Variants in GNA12 observed in about 807,000 individuals in gnomAD.
GNA12 encodes guanine nucleotide-binding protein subunit alpha-12.
Under a neutral mutation model 26.0 loss-of-function variants are expected in GNA12, and 9 were observed. The ratio of observed to expected loss-of-function variants is 0.35; its 90% CI spans 0.21 to 0.60. The LOEUF (loss-of-function observed/expected upper bound fraction) is 0.60, where lower values mean the gene tolerates loss of function less well. Ranked by LOEUF, GNA12 falls within the 20% of genes least tolerant of loss-of-function variation. The probability of loss-of-function intolerance (pLI) is 0.78; values close to 1 mark genes in which losing one functional copy is unlikely to be tolerated. For synonymous variants in GNA12, 264 were observed against 219.6 expected, an observed-to-expected ratio of 1.20 and a Z score of -1.79; for missense variants, 405 against 525.8, an observed-to-expected ratio of 0.77 and a Z score of 2.25.
intron 1 of GNA12, among the ~76,000 whole-genome samples, chr7:2,796,916 T>A (rs1792690844): frequency 6.6e-6 from 1 of 152,154 alleles, no homozygotes; most frequent in Non-Finnish European, 1.5e-5. Context: ...AAGGCAGTGT[T>A]TATGAGAACT....
At position 2,844,000 on chromosome 7, in the gene GNA12, G is replaced by C. The variant is rs748221542; in HGVS notation, c.162C>G (p.Val54=). The C allele has an allele frequency of 3.9e-6, 6 of 1,546,352 alleles. No homozygotes were observed. Among genetic ancestry groups the C allele is most frequent in the South Asian group, 3.6e-5 (3 of 84,074 alleles). ...GCAGCAGGATCTTCACCAGGCGCCG[G>C]ACCGCGCGCCGCTCGCGGGCCAGCA... ...DALLARERRA[V]RRLVKILLLG... is the part of the protein sequence containing the mutation. Residue 54 remains valine (V), a synonymous_variant, in exon 1 of 4, where the codon GTC becomes GTG. Transcript: ENST00000275364.
At chr7:2,793,419 T>C (rs546615829) in intron 2 of GNA12, among the ~76,000 whole-genome samples, 2 of 152,330 alleles carry the variant, frequency 1.3e-5, no homozygotes, top group South Asian at 2.1e-4. Flanking sequence ...TTCATACCGA[T>C]GTCAACTTCT....
chr7:2,832,181 T>C (rs1778692816), intron 1 of GNA12, among the ~76,000 whole-genome samples: 1 of 152,210 alleles, frequency 6.6e-6, no homozygotes, highest in South Asian at 2.1e-4. Context: ...CCTCTTCCAC[T>C]AGGCAAGGCC....
chr7:2,843,783 A>C, intron 1 of GNA12, 70 bp downstream of exon 1: 1 of 752,528 alleles, frequency 1.3e-6, no homozygotes, highest in Non-Finnish European at 1.9e-6. Flanking sequence ...CGGACCACGG[A>C]GGGGCCCGGG....
In GNA12 at chr7:2,730,154, G is replaced by A. The variant is rs1789815140; in HGVS notation, c.*1027C>T. 1.3e-5 allele frequency: 2 copies of A among 152,366 alleles called. No homozygotes were observed. Among genetic ancestry groups the A allele is most frequent in the South Asian group, 4.1e-4 (2 of 4,828 alleles). The allele number at this position is 152,366 out of a possible 1,614,324, so 9.4% of individuals were successfully genotyped here. On this transcript the variant is annotated 3_prime_UTR_variant, in exon 4 of 4. Coordinates refer to ENST00000275364, the MANE Select transcript of GNA12 (RefSeq NM_007353.3). ...GCTGTTAGCTCGCCAAGCAGCTGGGGCATTAACAAAAGCTCTGCTAGTGGC... is the reference window on the plus strand; with the variant it reads ...GCTGTTAGCTCGCCAAGCAGCTGGGACATTAACAAAAGCTCTGCTAGTGGC...
chr7:2,792,091 A>T (rs1792535098), intron 2 of GNA12, among the ~76,000 whole-genome samples: 1 of 152,124 alleles, frequency 6.6e-6, no homozygotes, highest in Admixed American at 6.5e-5. Context: ...ACCTGTGGCC[A>T]CCTTACCCTA....
intron 2 of GNA12, among the ~76,000 whole-genome samples, chr7:2,769,521 G>C (rs1257496355): frequency 1.3e-5 from 2 of 152,006 alleles, no homozygotes; most frequent in African/African-American, 4.8e-5. Flanking sequence ...ACGAGGTCAG[G>C]AGATTGAGAC....
At chr7:2,744,215 C>T (rs528008334) in intron 2 of GNA12, among the ~76,000 whole-genome samples, 4 of 152,368 alleles carry the variant, frequency 2.6e-5, no homozygotes, top group African/African-American at 9.6e-5. Flanking sequence ...AACGGGCAGA[C>T]TGCCTCCTCA....
chr7:2,762,961 C>A, intron 2 of GNA12: 3 of 1,359,436 alleles, frequency 2.2e-6, no homozygotes, highest in Non-Finnish European at 2.8e-6. Flanking sequence ...GTGCCAGGGT[C>A]TCCTGCTCCT....
At chr7:2,796,588 G>C (rs1379171913) in intron 1 of GNA12, among the ~76,000 whole-genome samples, 1 of 152,194 alleles carries the variant, frequency 6.6e-6, no homozygotes, top group African/African-American at 2.4e-5. Context: ...GACAGGAAAA[G>C]ACTAAAATAC....
At chr7:2,739,506 T>C (rs1447304336) in intron 2 of GNA12, among the ~76,000 whole-genome samples, 6 of 152,222 alleles carry the variant, frequency 3.9e-5, no homozygotes, top group African/African-American at 1.4e-4. Context: ...TTACATGCCA[T>C]TGTATGGATA....
At chr7:2,819,203 G>C (rs1490637412) in intron 1 of GNA12, among the ~76,000 whole-genome samples, 1 of 152,164 alleles carries the variant, frequency 6.6e-6, no homozygotes, top group East Asian at 1.9e-4. Flanking sequence ...AGCCGAGGGA[G>C]GTCAGAAAAG....
At chr7:2,811,519 C>A (rs1384561322) in intron 1 of GNA12, among the ~76,000 whole-genome samples, 2 of 152,172 alleles carry the variant, frequency 1.3e-5, no homozygotes, top group African/African-American at 2.4e-5. Context: ...AATGAAGTAA[C>A]TTTTATCAAA....
chr7:2,760,126 C>G (rs531321983), intron 2 of GNA12, among the ~76,000 whole-genome samples: 5 of 152,194 alleles, frequency 3.3e-5, no homozygotes, highest in African/African-American at 1.2e-4. Context: ...GATGTGTGGA[C>G]AAAGAGAGCC....
intron 1 of GNA12, among the ~76,000 whole-genome samples, chr7:2,802,997 A>AT (rs1792850101): frequency 6.6e-6 from 1 of 152,150 alleles, no homozygotes; most frequent in Non-Finnish European, 1.5e-5. Context: ...GCCGTACGGG[A>AT]TCAGGCCTAT....
At chr7:2,768,688 A>C (rs1355595174) in intron 2 of GNA12, among the ~76,000 whole-genome samples, 1 of 106,670 alleles carries the variant, frequency 9.4e-6, no homozygotes. Flanking sequence ...AAAACAAAAC[A>C]AAAAAAAAAA....
chr7:2,733,560 A>T, intron 2 of GNA12, 59 bp from the exon 3 acceptor site: 1 of 1,366,686 alleles, frequency 7.3e-7, no homozygotes, highest in Non-Finnish European at 1.0e-6. Flanking sequence ...TGATGTGGCA[A>T]ATACAAGAAC....
intron 1 of GNA12, among the ~76,000 whole-genome samples, chr7:2,839,935 T>G (rs928252428): frequency 1.3e-5 from 2 of 151,900 alleles, no homozygotes; most frequent in Admixed American, 6.6e-5. Context: ...GGGGCGGAGG[T>G]TGCAGTGAGC....
intron 1 of GNA12, among the ~76,000 whole-genome samples, chr7:2,802,996 G>C (rs987829970): frequency 2.6e-5 from 4 of 152,168 alleles, no homozygotes; most frequent in Non-Finnish European, 5.9e-5. Context: ...TGCCGTACGG[G>C]ATCAGGCCTA....
Sources: allele counts gnomAD v4.1 joint callset (sites outside exome capture counted in the v4.1 genomes callset), GRCh38; gene constraint gnomAD v4.1.1; transcripts MANE v1.5; gene names NCBI Gene and HGNC (gene_info 2026-07-23, HGNC 2026-07-21).